COPG2: variants seen among roughly 807,000 people sequenced by gnomAD.
The protein encoded by COPG2 is coat protein complex I subunit gamma 2.
Under a neutral mutation model 46.3 loss-of-function variants are expected in COPG2, and 37 were observed. That is an observed-to-expected ratio of 0.80 (90% CI 0.61 to 1.05). COPG2 has a LOEUF of 1.05. Among genes scored for constraint, COPG2 ranks in the 50% least tolerant of loss-of-function variants. The probability of loss-of-function intolerance (pLI) is 0.00; values close to 1 mark genes in which losing one functional copy is unlikely to be tolerated. For synonymous variants in COPG2, 159 were observed against 129.7 expected (o/e 1.23, Z -1.53); for missense variants, 427 against 387.8 (o/e 1.10, Z -0.85).
chr7:130,555,949 G>C (rs1355587222), intron 12 of COPG2, among the ~76,000 whole-genome samples: 17 of 152,172 alleles, frequency 1.1e-4, no homozygotes, highest in African/African-American at 3.4e-4. Flanking sequence ...CATGGATGCT[G>C]GTAGAAAACA....
At chr7:130,525,710 G>A (rs1799766941) in intron 20 of COPG2, among the ~76,000 whole-genome samples, 1 of 152,196 alleles carries the variant, frequency 6.6e-6, no homozygotes, top group Non-Finnish European at 1.5e-5. Flanking sequence ...AACACAGTGG[G>A]TCTCGTAGTT....
At chr7:130,577,790 A>C (rs1428403646) in intron 9 of COPG2, among the ~76,000 whole-genome samples, 42 of 139,720 alleles carry the variant, frequency 3.0e-4, no homozygotes, top group African/African-American at 1.0e-3. Flanking sequence ...AAAAAAAAAC[A>C]AAAAAAAAAA....
At chr7:130,618,009 G>A (rs1554453132) in intron 5 of COPG2, among the ~76,000 whole-genome samples, 1 of 147,706 alleles carries the variant, frequency 6.8e-6, no homozygotes, top group Non-Finnish European at 1.5e-5. Context: ...GTTGAGGTGG[G>A]AGGACTGCTT....
At chr7:130,572,909 C>T (rs1554445719) in intron 9 of COPG2, among the ~76,000 whole-genome samples, 1 of 151,678 alleles carries the variant, frequency 6.6e-6, no homozygotes, top group East Asian at 1.9e-4. Flanking sequence ...AAATCAGTGA[C>T]ACCCAAAGTT....
At chr7:130,660,307 A>G (rs1795952001) in intron 4 of COPG2, among the ~76,000 whole-genome samples, 1 of 152,096 alleles carries the variant, frequency 6.6e-6, no homozygotes, top group African/African-American at 2.4e-5. Context: ...GTCTGACTCC[A>G]TTTTCCACCC....
At chr7:130,639,902 A>G (rs1795429422) in intron 5 of COPG2, among the ~76,000 whole-genome samples, 1 of 152,086 alleles carries the variant, frequency 6.6e-6, no homozygotes, top group African/African-American at 2.4e-5. Flanking sequence ...CACCTTCATG[A>G]TGAAGAGGTA....
At chr7:130,612,079 A>G in intron 8 of COPG2, 73 bp downstream of exon 8, 1 of 1,057,994 alleles carries the variant, frequency 9.5e-7, no homozygotes, top group Non-Finnish European at 1.4e-6. Context: ...TAGGGAATCG[A>G]TACACTGCCC....
At chr7:130,523,596 G>A (rs1385800043) in intron 20 of COPG2, among the ~76,000 whole-genome samples, 2 of 152,222 alleles carry the variant, frequency 1.3e-5, no homozygotes, top group African/African-American at 2.4e-5. Context: ...AAGGATGACA[G>A]CTAACAAATG....
chr7:130,636,142 A>AT (rs1251459241), intron 5 of COPG2, among the ~76,000 whole-genome samples: 3 of 152,252 alleles, frequency 2.0e-5, no homozygotes, highest in South Asian at 4.1e-4. Context: ...CAATTTTAGA[A>AT]TATGTCCAAT....
chr7:130,575,720 C>T (rs1554446126), intron 9 of COPG2, among the ~76,000 whole-genome samples: 2 of 152,124 alleles, frequency 1.3e-5, no homozygotes, highest in African/African-American at 4.8e-5. Flanking sequence ...GCAACAGTAC[C>T]TCACATCTCA....
At chr7:130,607,647 C>G (rs541869842) in intron 9 of COPG2, 1 of 514,086 alleles carries the variant, frequency 1.9e-6, no homozygotes, top group African/African-American at 1.9e-5. Flanking sequence ...AGTTGGTCAG[C>G]CAGTGATTTT....
In COPG2 at chr7:130,511,391, G is replaced by A. The variant is rs73724341; in HGVS notation, c.2150-2732C>T. On this transcript the variant is annotated intron_variant, in intron 20 of 23. Transcript: ENST00000425248. ...ACTGAGAAGCAATGGGTGCAGCATAGTGTGTAGGACATCGAGGAAAGCTGG... is the reference window on the plus strand; with the variant it reads ...ACTGAGAAGCAATGGGTGCAGCATAATGTGTAGGACATCGAGGAAAGCTGG... 9.8e-3 allele frequency: 5,110 copies of A among 519,852 alleles called. 181 individuals are homozygous for A. The highest frequency in any genetic ancestry group is 0.086 in the African/African-American group (4,452 of 52,066). The allele number at this position is 519,852 out of a possible 1,614,324, so 32.2% of individuals were successfully genotyped here.
intron 9 of COPG2, among the ~76,000 whole-genome samples, chr7:130,568,737 AC>A (rs1793846163): frequency 6.6e-6 from 1 of 152,222 alleles, no homozygotes; most frequent in East Asian, 1.9e-4. Context: ...AGAACGTTCT[AC>A]CCAACAACTG....
At chr7:130,645,068 C>CAAAA (rs59544911) in intron 5 of COPG2, among the ~76,000 whole-genome samples, 12 of 113,438 alleles carry the variant, frequency 1.1e-4, no homozygotes, top group East Asian at 2.8e-4. Flanking sequence ...ATCCCAAAAA[C>CAAAA]AAAAAAAAAA....
intron 20 of COPG2, among the ~76,000 whole-genome samples, chr7:130,515,992 G>A (rs896887971): frequency 1.3e-5 from 2 of 152,140 alleles, no homozygotes; most frequent in Non-Finnish European, 2.9e-5. Flanking sequence ...GATCCAGTGT[G>A]CAGTCTGAAC....
At chr7:130,564,516 ATTCAT>A (rs1212382817) in intron 9 of COPG2, 123 bp from the exon 10 acceptor site, 1 of 397,026 alleles carries the variant, frequency 2.5e-6, no homozygotes, top group Non-Finnish European at 4.4e-6. Flanking sequence ...ATTTCTAAAA[ATTCAT>A]TTCATCACAA....
intron 20 of COPG2, chr7:130,547,301 G>A (rs1793460636): frequency 1.1e-5 from 2 of 175,224 alleles, no homozygotes; most frequent in South Asian, 2.0e-4. Context: ...TAACTAGATA[G>A]AAACTTTGAG....
At chr7:130,513,357 GTGTATA>G (rs1256058114) in intron 20 of COPG2, among the ~76,000 whole-genome samples, 198 of 42,052 alleles carry the variant, frequency 4.7e-3, no homozygotes, top group African/African-American at 0.01. Flanking sequence ...GTGTGTGTGT[GTGTATA>G]TATATATATA....
rs1554440404 is a variant in COPG2 at position 130,507,755 on chromosome 7, A to G, written c.2316T>C (p.Ala772=). ...CAAAGGTATCTCCCACCTCTTCCCA[A>G]GCAGCAGCAAAGTTAGGCTTCAGTA... ...QKVLKPNFAA[A]WEEVGDTFEK... Residue 772 remains alanine, a synonymous_variant, in exon 22 of 24, where the codon GCT becomes GCC. Transcript: ENST00000425248. 1.3e-6 allele frequency: 1 copy of G among 780,502 alleles called. No individual in the cohort carries two copies. The highest frequency in any genetic ancestry group is 2.4e-6 in the Non-Finnish European group (1 of 417,902). The allele number at this position is 780,502 out of a possible 1,614,324, so 48.3% of individuals were successfully genotyped here.
Sources: gnomAD v4.1 joint callset for allele counts (sites outside exome capture counted in the v4.1 genomes callset) on GRCh38, gnomAD v4.1.1 for gene constraint, MANE v1.5 for transcripts, NCBI Gene and HGNC (gene_info 2026-07-23, HGNC 2026-07-21) for gene names.